Variants in EPAS1 observed in about 807,000 individuals in gnomAD.
EPAS1 encodes endothelial PAS domain-containing protein 1.
Under a neutral mutation model 87.9 loss-of-function variants are expected in EPAS1, and 23 were observed. The ratio of observed to expected loss-of-function variants is 0.26; its 90% CI spans 0.19 to 0.37. The LOEUF (loss-of-function observed/expected upper bound fraction) is 0.37, where lower values mean the gene tolerates loss of function less well. EPAS1 is among the 10% of genes least tolerant of loss of function. EPAS1 has a pLI of 1.00. For synonymous variants in EPAS1, 508 were observed against 444.3 expected, an observed-to-expected ratio of 1.14 and a Z score of -1.80; for missense variants, 1,138 against 1,120.7, an observed-to-expected ratio of 1.02 and a Z score of -0.22.
intron 1 of EPAS1, among the ~76,000 whole-genome samples, chr2:46,307,234 G>A (rs141025855): frequency 0.021 from 3,252 of 152,342 alleles, 58 homozygotes; most frequent in Non-Finnish European, 0.031. Flanking sequence ...TGCCCAGGGT[G>A]AAGGGAGAGA....
Position 46,380,832 on chromosome 2 carries a change from A to G in EPAS1, c.2045+115A>G, listed in dbSNP as rs1044789860. On this transcript the variant is annotated intron_variant, in intron 12 of 15. Transcript: ENST00000263734. The surrounding 1 kb of genome is among the most constrained non-coding windows in gnomAD (Gnocchi z 4.4). ...CCTCTCCCCAGCCATCTGATACCCC[A>G]TTTAGCCCTTCTCTGAGCTCAGACT... The G allele has an allele frequency of 1.2e-5, 18 of 1,546,368 alleles. No homozygotes were observed. Among genetic ancestry groups the G allele is most frequent in the African/African-American group, 2.7e-5 (2 of 73,484 alleles).
intron 7 of EPAS1, among the ~76,000 whole-genome samples, chr2:46,374,837 C>A (rs891235445): frequency 2.0e-5 from 3 of 152,094 alleles, no homozygotes; most frequent in Non-Finnish European, 4.4e-5. Context: ...GAAACCCTTC[C>A]CCAAGGTAGA....
intron 12 of EPAS1, 136 bp from the exon 13 acceptor site, chr2:46,381,460 T>C: frequency 1.4e-6 from 2 of 1,419,038 alleles, no homozygotes; most frequent in Non-Finnish European, 2.0e-6. Context: ...ACAGCCTGCC[T>C]CTGAGACTCT....
intron 1 of EPAS1, among the ~76,000 whole-genome samples, chr2:46,312,725 G>C (rs1683238978): frequency 6.6e-6 from 1 of 152,056 alleles, no homozygotes; most frequent in Non-Finnish European, 1.5e-5. Context: ...AATGATTTTT[G>C]GGTATCAGTT....
At chr2:46,310,441 A>G (rs1409894553) in intron 1 of EPAS1, among the ~76,000 whole-genome samples, 1 of 152,148 alleles carries the variant, frequency 6.6e-6, no homozygotes, top group Admixed American at 6.5e-5. Context: ...TCTACCAATA[A>G]CTGTTCATTG....
At chr2:46,350,382 TCTTTA>T (rs983831430) in intron 2 of EPAS1, among the ~76,000 whole-genome samples, 2 of 152,244 alleles carry the variant, frequency 1.3e-5, no homozygotes, top group African/African-American at 2.4e-5. Flanking sequence ...GAAAAGTTTC[TCTTTA>T]CTTAGTAACA....
At position 46,356,683 on chromosome 2, in the gene EPAS1, A is replaced by G. The variant is rs773681234; in HGVS notation, c.370-41A>G. 4 of 1,485,366 alleles carry G rather than the reference A, an allele frequency of 2.7e-6. No individual in the cohort carries two copies. The East Asian group carries it at 9.0e-5, about 34-fold the overall frequency. The allele number at this position is 1,485,366 out of a possible 1,614,324, so 92.0% of individuals were successfully genotyped here. A position where few individuals can be genotyped will look rare whatever the true frequency, so the allele number is the denominator to read the frequency against. On this transcript the variant is annotated intron_variant, in intron 3 of 15. Coordinates refer to ENST00000263734, the MANE Select transcript of EPAS1 (RefSeq NM_001430.5). The stretch of plus-strand genomic sequence containing the variant: ...GCTTACTCTTGGAGTCTTTTACTTC[A>G]CTGTTAGGAATAATGATGCCTAACC...
intron 1 of EPAS1, among the ~76,000 whole-genome samples, chr2:46,323,684 G>C (rs1328938040): frequency 6.6e-6 from 1 of 152,146 alleles, no homozygotes; most frequent in Non-Finnish European, 1.5e-5. Flanking sequence ...TCTTCTTATG[G>C]CATAAGAGAC....
chr2:46,315,260 G>A (rs946323874), intron 1 of EPAS1, among the ~76,000 whole-genome samples: 5 of 152,172 alleles, frequency 3.3e-5, no homozygotes, highest in Admixed American at 2.0e-4. Flanking sequence ...CAGTGAGAAC[G>A]GACTGAGCCG....
intron 1 of EPAS1, among the ~76,000 whole-genome samples, chr2:46,333,505 T>G (rs4953349): frequency 0.67 from 100,941 of 151,750 alleles, 35,736 homozygotes; most frequent in East Asian, 0.97. Flanking sequence ...CTCTCAAACT[T>G]TAGGGTTTAG....
At chr2:46,318,662 GT>G (rs1558585615) in intron 1 of EPAS1, among the ~76,000 whole-genome samples, 1 of 152,124 alleles carries the variant, frequency 6.6e-6, no homozygotes, top group Admixed American at 6.5e-5. Flanking sequence ...AAGCTCTGTG[GT>G]TTTTAGTTTT....
At chr2:46,341,700 C>T (rs1242548085) in intron 1 of EPAS1, among the ~76,000 whole-genome samples, 3 of 151,206 alleles carry the variant, frequency 2.0e-5, no homozygotes, top group African/African-American at 4.9e-5. Flanking sequence ...TGGACCTGGG[C>T]GTCAGTCTTC....
At chr2:46,383,334 G>C (rs1179190914) in intron 15 of EPAS1, among the ~76,000 whole-genome samples, 3 of 152,240 alleles carry the variant, frequency 2.0e-5, no homozygotes, top group Non-Finnish European at 4.4e-5. Flanking sequence ...TTCAACTGCA[G>C]GCACCAATGC....
chr2:46,300,065 C>A lies in EPAS1; in HGVS notation c.26+2128C>A. 6.6e-6 allele frequency among the ~76,000 whole-genome samples: 1 copy of A among 151,762 alleles called. No homozygotes were observed. Among genetic ancestry groups the A allele is most frequent in the East Asian group, 1.9e-4 (1 of 5,198 alleles). On this transcript the variant is annotated intron_variant, in intron 1 of 15. Transcript: ENST00000263734. This position sits in a 1 kb window ranked among gnomAD's most constrained non-coding sequence, Gnocchi z 4.1. ...ACAGCGTGTCCTTCACCATCTAGAG[C>A]CCCTTAAGGGGTTGTCCAATTCCTA...
chr2:46,354,410 G>T (rs950259086), intron 2 of EPAS1, among the ~76,000 whole-genome samples: 18 of 151,992 alleles, frequency 1.2e-4, no homozygotes, highest in Admixed American at 1.1e-3. Context: ...ATAAGTAAAT[G>T]TCTTTGGAGT....
chr2:46,352,775 G>T (rs1684195797), intron 2 of EPAS1, among the ~76,000 whole-genome samples: 1 of 152,210 alleles, frequency 6.6e-6, no homozygotes, highest in Non-Finnish European at 1.5e-5. Context: ...CAACCTGCTG[G>T]CTTCCTGGTC....
chr2:46,356,058 T>C, intron 2 of EPAS1, 93 bp from the exon 3 acceptor site: 1 of 1,418,850 alleles, frequency 7.0e-7, no homozygotes, highest in Non-Finnish European at 9.9e-7. Context: ...ACCCAATGCC[T>C]TTGCACCATC....
At chr2:46,299,977 C>T (rs1682964578) in intron 1 of EPAS1, among the ~76,000 whole-genome samples, 1 of 152,244 alleles carries the variant, frequency 6.6e-6, no homozygotes, top group African/African-American at 2.4e-5. Flanking sequence ...GGCTGGTGGC[C>T]ACGCGAGGGT....
At chr2:46,334,238 G>C (rs1683744453) in intron 1 of EPAS1, among the ~76,000 whole-genome samples, 2 of 152,204 alleles carry the variant, frequency 1.3e-5, no homozygotes, top group Non-Finnish European at 1.5e-5. Flanking sequence ...CCACTAATCA[G>C]ACAACAGGCT....
Sources: gnomAD v4.1 joint callset for allele counts (sites outside exome capture counted in the v4.1 genomes callset) on GRCh38, gnomAD v4.1.1 for gene constraint, Gnocchi (gnomAD v3.1) non-coding constraint, MANE v1.5 for transcripts, NCBI Gene and HGNC (gene_info 2026-07-23, HGNC 2026-07-21) for gene names.